Variants in SPECC1L observed in about 807,000 individuals in gnomAD.
The protein encoded by SPECC1L is cytospin-A.
Under a neutral mutation model 116.8 loss-of-function variants are expected in SPECC1L, and 40 were observed. That is an observed-to-expected ratio of 0.34 (90% CI 0.27 to 0.45). The LOEUF is 0.45. SPECC1L is among the 20% of genes least tolerant of loss of function. SPECC1L has a pLI of 1.00. For synonymous variants in SPECC1L, 504 were observed against 500.6 expected (o/e 1.01, Z -0.09); for missense variants, 1,110 against 1,373.6 (o/e 0.81, Z 3.03).
rs977295216 is a variant in SPECC1L, at chr22:24,415,988, A to T, written c.*1365A>T. 2.6e-5 allele frequency: 4 copies of T among 152,362 alleles called. No individual in the cohort carries two copies. The East Asian group carries it at 5.8e-4, about 22-fold the overall frequency. The allele number at this position is 152,362 out of a possible 1,614,324, so 9.4% of individuals were successfully genotyped here. A position where few individuals can be genotyped will look rare whatever the true frequency, so the allele number is the denominator to read the frequency against. ...CTTTGAGAATATAACTGTGTTTGGC[A>T]CCTGCATAGCACCATGAGGAAGACC... On this transcript the variant is annotated 3_prime_UTR_variant, in exon 17 of 17. Transcript: ENST00000314328.
chr22:24,271,703 A>G (rs2048730907), intron 1 of SPECC1L, among the ~76,000 whole-genome samples: 1 of 152,228 alleles, frequency 6.6e-6, no homozygotes, highest in South Asian at 2.1e-4. Flanking sequence ...CAGTAGTTTT[A>G]GCCCATTTAC....
chr22:24,365,163 A>G (rs559487719), intron 12 of SPECC1L, among the ~76,000 whole-genome samples: 1 of 152,128 alleles, frequency 6.6e-6, no homozygotes, highest in Admixed American at 6.6e-5. Context: ...ATGCACCACC[A>G]TGCCTGGCTA....
chr22:24,271,887 A>G (rs1289597702), intron 1 of SPECC1L, among the ~76,000 whole-genome samples: 1 of 152,174 alleles, frequency 6.6e-6, no homozygotes, highest in African/African-American at 2.4e-5. Flanking sequence ...CCATGATAAT[A>G]TTTCCCAAGC....
chr22:24,351,908 G>A (rs2041432190), intron 11 of SPECC1L, among the ~76,000 whole-genome samples: 1 of 151,870 alleles, frequency 6.6e-6, no homozygotes, highest in Non-Finnish European at 1.5e-5. Context: ...AGAATGGCGT[G>A]AACCCGGGAG....
chr22:24,334,014 G>GTTTTTTTTTTTTTTTTTTGTTT (rs11398083), intron 8 of SPECC1L, among the ~76,000 whole-genome samples: 1 of 132,556 alleles, frequency 7.5e-6, no homozygotes. Flanking sequence ...GTTTTTTGTT[G>GTTTTTTTTTTTTTTTTTTGTTT]TTTTTTTTTT....
At chr22:24,314,753 C>T (rs2040528200) in intron 4 of SPECC1L, among the ~76,000 whole-genome samples, 3 of 152,176 alleles carry the variant, frequency 2.0e-5, no homozygotes, top group Admixed American at 1.3e-4. Flanking sequence ...ATTCAGGTCC[C>T]CTGTCCCCCC....
chr22:24,379,037 G>C (rs1396064028), intron 14 of SPECC1L, among the ~76,000 whole-genome samples: 1 of 152,094 alleles, frequency 6.6e-6, no homozygotes, highest in African/African-American at 2.4e-5. Flanking sequence ...AGGTGTGTCT[G>C]TATTTTCTTC....
At chr22:24,371,672 G>A (rs139484887) in intron 14 of SPECC1L, among the ~76,000 whole-genome samples, 1 of 152,168 alleles carries the variant, frequency 6.6e-6, no homozygotes, top group Admixed American at 6.5e-5. Flanking sequence ...CAAAATTTAT[G>A]GGAGGCAGCG....
At chr22:24,283,103 G>C (rs2048976795) in intron 2 of SPECC1L, among the ~76,000 whole-genome samples, 1 of 148,188 alleles carries the variant, frequency 6.7e-6, no homozygotes, top group South Asian at 2.1e-4. Flanking sequence ...TTTTGAGATG[G>C]GGTCTTGTAC....
chr22:24,388,271 C>G (rs980979324), intron 14 of SPECC1L, among the ~76,000 whole-genome samples: 5 of 133,440 alleles, frequency 3.7e-5, no homozygotes, highest in Admixed American at 1.7e-4. Flanking sequence ...TGTTATGTTC[C>G]CCTTCCTGTG....
At position 24,336,103 on chromosome 22, in the gene SPECC1L, C is replaced by T. The variant is rs189320799; in HGVS notation, c.2560+1530C>T. Among the ~76,000 whole-genome samples, 4 of 152,078 alleles carry T rather than the reference C, an allele frequency of 2.6e-5. No homozygotes were observed. In the East Asian group the frequency reaches 5.8e-4, roughly 22 times the overall value. Reference sequence around the variant, plus strand: ...TTAAGACAGTTATGACCAATTAATACAGTAAAATAATATGCATATTTTAAT... The same window carrying T: ...TTAAGACAGTTATGACCAATTAATATAGTAAAATAATATGCATATTTTAAT... On this transcript the variant is annotated intron_variant, in intron 9 of 16. Coordinates refer to ENST00000314328, the MANE Select transcript of SPECC1L (RefSeq NM_015330.6).
At chr22:24,377,330 T>A (rs949955530) in intron 14 of SPECC1L, among the ~76,000 whole-genome samples, 1 of 152,132 alleles carries the variant, frequency 6.6e-6, no homozygotes, top group African/African-American at 2.4e-5. Context: ...TTTTTCGACA[T>A]GAGGTCTCAC....
chr22:24,345,205 A>G (rs943138226), intron 10 of SPECC1L, among the ~76,000 whole-genome samples: 2 of 152,198 alleles, frequency 1.3e-5, no homozygotes, highest in Non-Finnish European at 2.9e-5. Flanking sequence ...AAGTAATTCA[A>G]TCGGTAAGGA....
chr22:24,339,819 G>A (rs558393798), intron 10 of SPECC1L, among the ~76,000 whole-genome samples: 1 of 152,186 alleles, frequency 6.6e-6, no homozygotes, highest in South Asian at 2.1e-4. Flanking sequence ...GTCTCCCTCT[G>A]TCACCCAGAT....
chr22:24,355,138 C>T (rs1412005841), intron 11 of SPECC1L, among the ~76,000 whole-genome samples: 2 of 151,658 alleles, frequency 1.3e-5, no homozygotes, highest in East Asian at 3.9e-4. Context: ...AATTAATTAG[C>T]TGAGCGTGGT....
intron 1 of SPECC1L, among the ~76,000 whole-genome samples, chr22:24,274,606 A>G (rs559524789): frequency 4.6e-5 from 7 of 152,336 alleles, no homozygotes; most frequent in African/African-American, 1.7e-4. Context: ...AAGAGAGTGA[A>G]TATCTTTTAA....
intron 2 of SPECC1L, among the ~76,000 whole-genome samples, chr22:24,298,701 C>G (rs1012400389): frequency 3.9e-5 from 6 of 152,328 alleles, no homozygotes; most frequent in African/African-American, 1.2e-4. Context: ...TGTCCCAGCT[C>G]AGCAGTCAGG....
At chr22:24,383,093 A>G (rs1367888938) in intron 14 of SPECC1L, among the ~76,000 whole-genome samples, 1 of 152,246 alleles carries the variant, frequency 6.6e-6, no homozygotes, top group Non-Finnish European at 1.5e-5. Flanking sequence ...ACAAAGGGAA[A>G]TATTCGAGGC....
intron 14 of SPECC1L, among the ~76,000 whole-genome samples, chr22:24,397,900 A>G (rs1394215105): frequency 1.3e-5 from 2 of 152,196 alleles, no homozygotes; most frequent in Non-Finnish European, 2.9e-5. Flanking sequence ...CAGGTTTACC[A>G]TTCAGCACTT....
Sources: gnomAD v4.1 joint callset for allele counts (sites outside exome capture counted in the v4.1 genomes callset) on GRCh38, gnomAD v4.1.1 for gene constraint, MANE v1.5 for transcripts, NCBI Gene and HGNC (gene_info 2026-07-23, HGNC 2026-07-21) for gene names.